The following TXLNB variants were observed in gnomAD, a reference collection of about 807,000 sequenced individuals.
TXLNB encodes taxilin beta.
TXLNB carries 37 observed loss-of-function variants against 57.4 expected under a neutral mutation model. That is an observed-to-expected ratio of 0.64 (90% CI 0.50 to 0.85). The LOEUF (loss-of-function observed/expected upper bound fraction) is 0.85, where lower values mean the gene tolerates loss of function less well. TXLNB is among the 40% of genes least tolerant of loss of function. TXLNB has a pLI of 0.00. For missense variants in TXLNB, 848 were observed against 825.6 expected, an observed-to-expected ratio of 1.03 and a Z score of -0.33; for synonymous variants, 302 against 309.6, an observed-to-expected ratio of 0.98 and a Z score of 0.26.
At chr6:139,185,221 CCCA>C in the TXLNB span, among the ~76,000 whole-genome samples, 2 of 152,032 alleles carry the variant, frequency 1.3e-5, no homozygotes, top group African/African-American at 4.8e-5. Context: ...CACAAAGTTA[CCCA>C]CCACAAGGCT....
chr6:139,195,251 T>C, the TXLNB span, among the ~76,000 whole-genome samples: 1 of 152,228 alleles, frequency 6.6e-6, no homozygotes, highest in Non-Finnish European at 1.5e-5. Flanking sequence ...TTAAACAATT[T>C]TAAAACATTT....
chr6:139,270,772 A>T lies in TXLNB; in HGVS notation c.517-146T>A, dbSNP rs1776742017. ...CTTCCTCTGGAAGTAAATGAAATTC[A>T]CAAACGTCACCTTTGTAGTACTTGA... On this transcript the variant is annotated intron_variant, in intron 3 of 9. Coordinates refer to ENST00000358430, the MANE Select transcript of TXLNB (RefSeq NM_153235.4). The T allele has an allele frequency of 5.8e-6, 4 of 687,172 alleles. No individual in the cohort carries two copies. The South Asian group carries it at 7.2e-5, about 12-fold the overall frequency. 42.6% of individuals were successfully genotyped at this position (687,172 alleles called of 1,614,324 possible).
chr6:139,268,352 G>T (rs1210664584), intron 4 of TXLNB, among the ~76,000 whole-genome samples: 1 of 151,908 alleles, frequency 6.6e-6, no homozygotes, highest in African/African-American at 2.4e-5. Context: ...TCATTTCTCA[G>T]CAATTGATAA....
chr6:139,190,334 G>A, the TXLNB span, among the ~76,000 whole-genome samples: 2 of 109,918 alleles, frequency 1.8e-5, no homozygotes, highest in African/African-American at 3.6e-5. Context: ...TTTTGAGACA[G>A]AGTCTCGCTT....
At chr6:139,217,101 C>G in the TXLNB span, among the ~76,000 whole-genome samples, 3 of 152,142 alleles carry the variant, frequency 2.0e-5, no homozygotes, top group Non-Finnish European at 4.4e-5. Flanking sequence ...GAGAATGAGG[C>G]CTGGAGTGGT....
chr6:139,161,871 C>T, the TXLNB span, among the ~76,000 whole-genome samples: 1 of 152,180 alleles, frequency 6.6e-6, no homozygotes, highest in East Asian at 1.9e-4. Context: ...GACCAATTAA[C>T]ATTTTAAAGG....
chr6:139,188,691 C>T, the TXLNB span, among the ~76,000 whole-genome samples: 2 of 152,100 alleles, frequency 1.3e-5, no homozygotes, highest in African/African-American at 2.4e-5. Context: ...GTATGTATGC[C>T]GGGAAGCAAG....
Position 139,242,497 on chromosome 6 carries a change from G to T in TXLNB, c.*29C>A. Reference sequence around the variant, plus strand: ...GTTATGCTGAATATGCAAAGAGGCAGGAAGAAGCCTCTGAAGGCACGGTGA... The same window carrying T: ...GTTATGCTGAATATGCAAAGAGGCATGAAGAAGCCTCTGAAGGCACGGTGA... On this transcript the variant is annotated 3_prime_UTR_variant, in exon 10 of 10. Transcript: ENST00000358430. The T allele has an allele frequency of 6.8e-7, 1 of 1,460,998 alleles. No individual in the cohort carries two copies. The highest frequency in any genetic ancestry group is 9.0e-7 in the Non-Finnish European group (1 of 1,105,816). 90.5% of individuals were successfully genotyped at this position (1,460,998 alleles called of 1,614,324 possible). A position where few individuals can be genotyped will look rare whatever the true frequency, so the allele number is the denominator to read the frequency against.
chr6:139,224,282 T>A, the TXLNB span, among the ~76,000 whole-genome samples: 2 of 125,640 alleles, frequency 1.6e-5, no homozygotes, highest in African/African-American at 3.1e-5. Flanking sequence ...AACATCACAC[T>A]CTGGGGACTA....
the TXLNB span, among the ~76,000 whole-genome samples, chr6:139,161,199 A>G: frequency 2.6e-5 from 4 of 152,098 alleles, no homozygotes; most frequent in South Asian, 8.3e-4. Context: ...CCACCCTGTT[A>G]CCCCATTTTG....
intron 2 of TXLNB, among the ~76,000 whole-genome samples, chr6:139,279,242 C>G (rs1450501950): frequency 6.6e-6 from 1 of 152,156 alleles, no homozygotes; most frequent in Non-Finnish European, 1.5e-5. Context: ...TAAGTATCTT[C>G]TCCCCTTTGG....
chr6:139,297,744 A>C, the TXLNB span, among the ~76,000 whole-genome samples: 1 of 152,238 alleles, frequency 6.6e-6, no homozygotes, highest in African/African-American at 2.4e-5. Flanking sequence ...AATTCCAATA[A>C]TTATGTGTTT....
chr6:139,224,744 A>G, the TXLNB span, among the ~76,000 whole-genome samples: 1 of 152,090 alleles, frequency 6.6e-6, no homozygotes, highest in Non-Finnish European at 1.5e-5. Flanking sequence ...TCCTTTCCAC[A>G]AAAAACTCCA....
the TXLNB span, among the ~76,000 whole-genome samples, chr6:139,191,754 C>T: frequency 6.6e-6 from 1 of 152,074 alleles, no homozygotes; most frequent in Non-Finnish European, 1.5e-5. Context: ...GGGCGGTGTA[C>T]CTGGGAGACT....
chr6:139,243,057 C>A lies in TXLNB; in HGVS notation c.1524G>T (p.Met508Ile), dbSNP rs755556059. The stretch of plus-strand genomic sequence containing the variant: ...GGGTTGACTCTGGATGATGAATTAT[C>A]ATGAAGGCTGTGGCCAGATTTTTCA... Reference protein sequence around the residue: ...TAVKNLATAFMIIHHPESTPH... With the variant: ...TAVKNLATAFIIIHHPESTPH... The change falls in exon 10 of 10, where the codon ATG becomes ATT. Residue 508 changes from methionine (M) to isoleucine (I), a missense_variant. Transcript: ENST00000358430. 6.8e-6 allele frequency: 11 copies of A among 1,614,144 alleles called. No homozygotes were observed. The highest frequency in any genetic ancestry group is 8.5e-6 in the Non-Finnish European group (10 of 1,180,022).
At chr6:139,181,228 C>T in the TXLNB span, among the ~76,000 whole-genome samples, 44 of 152,338 alleles carry the variant, frequency 2.9e-4, no homozygotes, top group African/African-American at 1.0e-3. Context: ...GCCTTGTCGG[C>T]ATGATTTGGT....
At chr6:139,168,870 C>G in the TXLNB span, among the ~76,000 whole-genome samples, 11 of 152,244 alleles carry the variant, frequency 7.2e-5, no homozygotes, top group East Asian at 2.1e-3. Context: ...CATATTTTCC[C>G]CTTGGAATTT....
chr6:139,238,295 G>A (rs1026583125), downstream of TXLNB, among the ~76,000 whole-genome samples: 1 of 152,196 alleles, frequency 6.6e-6, no homozygotes, highest in Admixed American at 6.5e-5. Context: ...TCAGGAGGCT[G>A]AGGCACGAGA....
At chr6:139,199,158 A>T in the TXLNB span, among the ~76,000 whole-genome samples, 7,662 of 151,140 alleles carry the variant, frequency 0.051, 210 homozygotes, top group African/African-American at 0.064. Flanking sequence ...CTAGATTCAC[A>T]CTCCGTTCAG....
Sources: allele counts gnomAD v4.1 joint callset (sites outside exome capture counted in the v4.1 genomes callset), GRCh38; gene constraint gnomAD v4.1.1; transcripts MANE v1.5; gene names NCBI Gene and HGNC (gene_info 2026-07-23, HGNC 2026-07-21).